Variants in EPHA8 observed in about 807,000 individuals in gnomAD.
EPHA8 encodes the protein ephrin type-A receptor 8.
In EPHA8, 58 loss-of-function variants were observed where a neutral mutation model predicts 103.6. The observed-to-expected ratio is 0.56, with a 90% CI of 0.45 to 0.70. The LOEUF is 0.70. Ranked by LOEUF, EPHA8 falls within the 30% of genes least tolerant of loss-of-function variation. The pLI is 0.00. For synonymous variants in EPHA8, 559 were observed against 572.5 expected (o/e 0.98, Z 0.34); for missense variants, 1,304 against 1,395.2 (o/e 0.93, Z 1.04).
intron 3 of EPHA8, among the ~76,000 whole-genome samples, chr1:22,583,445 G>T (rs561510141): frequency 6.6e-6 from 1 of 152,344 alleles, no homozygotes; most frequent in South Asian, 2.1e-4. Flanking sequence ...GGACGGTGCT[G>T]GGAGGACGGG....
chr1:22,601,610 G>A lies in EPHA8; in HGVS notation c.2904-17G>A, dbSNP rs1363211419. The A allele has an allele frequency of 3.2e-6, 5 of 1,584,276 alleles. No homozygotes were observed. ...GCCTCCCAGGCCCAGCTGGCCAGCAGCACCCTTCCTTCACAGGGACGTGCG... is the reference window on the plus strand; with the variant it reads ...GCCTCCCAGGCCCAGCTGGCCAGCAACACCCTTCCTTCACAGGGACGTGCG... On this transcript the variant is annotated splice_polypyrimidine_tract_variant and intron_variant, in intron 16 of 16. Coordinates refer to ENST00000166244, the MANE Select transcript of EPHA8 (RefSeq NM_020526.5).
intron 5 of EPHA8, among the ~76,000 whole-genome samples, chr1:22,591,231 A>G (rs1414480703): frequency 6.6e-6 from 1 of 151,902 alleles, no homozygotes; most frequent in Non-Finnish European, 1.5e-5. Flanking sequence ...CTCTACAAAA[A>G]AAATTTTTTT....
rs756394651 is a variant in EPHA8 at position 22,586,650 on chromosome 1, G to A, written c.979+15G>A. 9 of 1,612,680 alleles carry A rather than the reference G, an allele frequency of 5.6e-6. No individual in the cohort carries two copies. Among genetic ancestry groups the A allele is most frequent in the African/African-American group, 4.0e-5 (3 of 74,880 alleles). ...AGCCTGCACCCGTGAGTACCACTCC[G>A]AGATGCCAGTACCCTTGAGCCCAAG... On this transcript the variant is annotated intron_variant, in intron 4 of 16. Transcript: ENST00000166244.
In EPHA8 at chr1:22,597,485, CAG is replaced by C. The variant is rs1641552924; in HGVS notation, c.1930+10_1930+11del. 1 of 1,610,816 alleles carries C rather than the reference CAG, an allele frequency of 6.2e-7. No homozygotes were observed. The highest frequency in any genetic ancestry group is 8.5e-7 in the Non-Finnish European group (1 of 1,178,472). ...GAAAATCATCGGCTCTGGTGAGTCT[CAG>C]GGGTTGTGAGGGCGGGGCCAGCATG... On this transcript the variant is annotated intron_variant, in intron 10 of 16. Coordinates refer to ENST00000166244, the MANE Select transcript of EPHA8 (RefSeq NM_020526.5). This position sits in a 1 kb window ranked among gnomAD's most constrained non-coding sequence, Gnocchi z 4.6.
Position 22,578,643 on chromosome 1 carries a change from G to GTGTT in EPHA8, c.823+1764_823+1765insGTTT, listed in dbSNP as rs537370524. Among the ~76,000 whole-genome samples, 684 of 145,682 alleles carry GTGTT rather than the reference G, an allele frequency of 4.7e-3. 2 individuals are homozygous for GTGTT. The highest frequency in any genetic ancestry group is 0.017 in the African/African-American group (624 of 36,872). ...TCTGCGTGTGTGCATGTGTGTATGT[G>GTGTT]TATGTGTGTGCATGTGAGTGTATGT... On this transcript the variant is annotated intron_variant, in intron 3 of 16. Transcript: ENST00000166244.
chr1:22,565,452 G>A (rs1640331722), intron 1 of EPHA8, among the ~76,000 whole-genome samples: 1 of 152,172 alleles, frequency 6.6e-6, no homozygotes, highest in Non-Finnish European at 1.5e-5. Flanking sequence ...AAGAGGCCTT[G>A]GGGCCCTGGG....
chr1:22,578,160 A>C (rs1468604129), intron 3 of EPHA8, among the ~76,000 whole-genome samples: 3 of 62,878 alleles, frequency 4.8e-5, no homozygotes, highest in Non-Finnish European at 1.0e-4. Flanking sequence ...GCGTGTGTGC[A>C]TGAGTGTATG....
chr1:22,585,052 C>CACGCGCGT (rs1553146965), intron 3 of EPHA8, among the ~76,000 whole-genome samples: 2 of 144,370 alleles, frequency 1.4e-5, no homozygotes, highest in African/African-American at 5.4e-5. Flanking sequence ...TGTGTGTGTG[C>CACGCGCGT]GCACGCGTGT....
intron 13 of EPHA8, among the ~76,000 whole-genome samples, chr1:22,599,799 G>A (rs1340677305): frequency 4.7e-5 from 2 of 42,708 alleles, no homozygotes; most frequent in African/African-American, 1.1e-4. Context: ...AAGAAAGGAG[G>A]GAAGGAAGGA....
At position 22,597,065 on chromosome 1, in the gene EPHA8, C is replaced by T. The variant is rs770741384; in HGVS notation, c.1766-247C>T. 2.0e-5 allele frequency among the ~76,000 whole-genome samples: 3 copies of T among 152,108 alleles called. No individual in the cohort carries two copies. Among genetic ancestry groups the T allele is most frequent in the Non-Finnish European group, 4.4e-5 (3 of 68,008 alleles). On this transcript the variant is annotated intron_variant, in intron 9 of 16. Coordinates refer to ENST00000166244, the MANE Select transcript of EPHA8 (RefSeq NM_020526.5). The surrounding 1 kb of genome is among the most constrained non-coding windows in gnomAD (Gnocchi z 4.6). ...AAGATCTCAAGGACTGTAAAAGTGA[C>T]CCCAGAAAATGACAGACATGCCCAG...
At chr1:22,585,042 TGTGTGTGTGCGCACGC>T (rs1431198457) in intron 3 of EPHA8, among the ~76,000 whole-genome samples, 1 of 118,772 alleles carries the variant, frequency 8.4e-6, no homozygotes, top group Non-Finnish European at 1.7e-5. Context: ...TGTGTGTGTG[TGTGTGTGTGCGCACGC>T]GTGTGTCTAG....
chr1:22,595,366 C>T, intron 8 of EPHA8, 43 bp downstream of exon 8: 1 of 1,543,056 alleles, frequency 6.5e-7, no homozygotes, highest in East Asian at 2.3e-5. Context: ...TCCTCTCAAG[C>T]ACCGTACCTC....
At position 22,596,796 on chromosome 1, in the gene EPHA8, A is replaced by G. The variant is rs140847784; in HGVS notation, c.1766-516A>G. Among the ~76,000 whole-genome samples, 72 of 151,996 alleles carry G rather than the reference A, an allele frequency of 4.7e-4. No individual in the cohort carries two copies. In the East Asian group the frequency reaches 0.014, roughly 29 times the overall value. On this transcript the variant is annotated intron_variant, in intron 9 of 16. Coordinates refer to ENST00000166244, the MANE Select transcript of EPHA8 (RefSeq NM_020526.5). ...CCTGCCTCAGCCTCCCAAGTAGCTC[A>G]GATTACAAGCATTCACCATGCACTA...
chr1:22,600,467 A>C (rs1394230257), intron 13 of EPHA8, among the ~76,000 whole-genome samples, 194 bp from the exon 14 acceptor site: 1 of 151,414 alleles, frequency 6.6e-6, no homozygotes, highest in East Asian at 2.0e-4. Context: ...CAGGCGTCTC[A>C]CTCCCTCCTT....
At position 22,588,901 on chromosome 1, in the gene EPHA8, C is replaced by T. The variant is rs201043307; in HGVS notation, c.1010C>T (p.Ser337Phe). The part of the protein sequence containing the change: ...RPPSAPVNLI[S>F]SVNGTSVTLE... ...CCCTCGGCACCAGTGAACCTGATCT[C>T]CAGTGTGAATGGGACATCAGTGACT... is the stretch of plus-strand genomic sequence containing the variant. The change falls in exon 5 of 17, where the codon TCC becomes TTC. Residue 337 changes from serine (S) to phenylalanine (F), a missense_variant. By Grantham distance (155) the Ser-to-Phe change is radical. Transcript: ENST00000166244. The T allele has an allele frequency of 6.2e-7, 1 of 1,601,418 alleles. No homozygotes were observed. Among genetic ancestry groups the T allele is most frequent in the Admixed American group, 1.7e-5 (1 of 59,836 alleles).
Position 22,569,453 on chromosome 1 carries a change from C to A in EPHA8, c.159+100C>A. The A allele has an allele frequency of 7.5e-7, 1 of 1,326,576 alleles. No individual in the cohort carries two copies. 82.2% of individuals were successfully genotyped at this position (1,326,576 alleles called of 1,614,324 possible). A position where few individuals can be genotyped will look rare whatever the true frequency, so the allele number is the denominator to read the frequency against. Reference sequence around the variant, plus strand: ...AGATAGATCAAAAGGAAGCAGAGGCCCAGAGAGGTCAAGGGACTTACCCAA... The same window carrying A: ...AGATAGATCAAAAGGAAGCAGAGGCACAGAGAGGTCAAGGGACTTACCCAA... On this transcript the variant is annotated intron_variant, in intron 2 of 16. Transcript: ENST00000166244. This position sits in a 1 kb window ranked among gnomAD's most constrained non-coding sequence, Gnocchi z 4.5.
At chr1:22,570,233 C>G (rs969379995) in intron 2 of EPHA8, among the ~76,000 whole-genome samples, 1 of 152,120 alleles carries the variant, frequency 6.6e-6, no homozygotes, top group African/African-American at 2.4e-5. Context: ...CCAGCGTGCT[C>G]AGAAACACAC....
In EPHA8 at chr1:22,569,379, G is replaced by A. The variant is rs1168882888; in HGVS notation, c.159+26G>A. On this transcript the variant is annotated intron_variant, in intron 2 of 16. Transcript: ENST00000166244. The surrounding 1 kb of genome is among the most constrained non-coding windows in gnomAD (Gnocchi z 4.5). Reference sequence around the variant, plus strand: ...GTGAGTGATGGGCACTGGGGACAACGTCATCCCTCTGTGAGCAGAGAGAGG... The same window carrying A: ...GTGAGTGATGGGCACTGGGGACAACATCATCCCTCTGTGAGCAGAGAGAGG... The A allele has an allele frequency of 1.5e-5, 24 of 1,562,392 alleles. No individual in the cohort carries two copies. Among genetic ancestry groups the A allele is most frequent in the East Asian group, 2.3e-5 (1 of 43,816 alleles).
chr1:22,585,886 T>C (rs1256104968), intron 3 of EPHA8, among the ~76,000 whole-genome samples: 1 of 152,168 alleles, frequency 6.6e-6, no homozygotes, highest in East Asian at 1.9e-4. Flanking sequence ...CAGCTGTCTG[T>C]GGTGGGGCCA....
Sources: gnomAD v4.1 joint callset for allele counts (sites outside exome capture counted in the v4.1 genomes callset) on GRCh38, gnomAD v4.1.1 for gene constraint, Gnocchi (gnomAD v3.1) non-coding constraint, MANE v1.5 for transcripts, NCBI Gene and HGNC (gene_info 2026-07-23, HGNC 2026-07-21) for gene names.